Variants in GPR17 observed in about 807,000 individuals in gnomAD.
GPR17 encodes the protein G protein-coupled receptor 17.
A neutral mutation model predicts 1.5 loss-of-function variants in GPR17; 4 were observed. The observed-to-expected ratio is 2.73, with a 90% CI of 1.35 to 6.25. The LOEUF (loss-of-function observed/expected upper bound fraction) is 6.25, where lower values mean the gene tolerates loss of function less well. Among genes scored for constraint, GPR17 ranks in the 30% most tolerant of loss-of-function variants. The probability of loss-of-function intolerance (pLI) is 0.00; values close to 1 mark genes in which losing one functional copy is unlikely to be tolerated. For synonymous variants in GPR17, 209 were observed against 207.6 expected (o/e 1.01, Z -0.06); for missense variants, 463 against 462.1 (o/e 1.00, Z -0.02).
chr2:127,648,013 C>T, intron 1 of GPR17: 1 of 985,798 alleles, frequency 1.0e-6, no homozygotes, highest in South Asian at 4.7e-5. Flanking sequence ...CCAAGCCTGT[C>T]TCCCTCTCCC....
rs3771296 is a variant in GPR17 at position 127,647,251 on chromosome 2, G to A, written c.-21+1007G>A. 6.6e-6 allele frequency among the ~76,000 whole-genome samples: 1 copy of A among 152,014 alleles called. No homozygotes were observed. The highest frequency in any genetic ancestry group is 2.4e-5 in the African/African-American group (1 of 41,406). ...GAGGGAGTGGCCCCAGGGCCAGGAG[G>A]GGGTGCTGAGCCTGGGAGACAACTC... On this transcript the variant is annotated intron_variant, in intron 1 of 1. Transcript: ENST00000486700. The surrounding 1 kb of genome is among the most constrained non-coding windows in gnomAD (Gnocchi z 4.3).
At chr2:127,646,284 G>T (rs1034723338) in intron 1 of GPR17, 40 bp downstream of exon 1, 3 of 152,422 alleles carry the variant, frequency 2.0e-5, no homozygotes, top group Non-Finnish European at 2.9e-5. Context: ...GGAGCCCAGG[G>T]CTAAGCAGAG....
Position 127,647,892 on chromosome 2 carries a change from C to T in GPR17, c.-21+1648C>T, listed in dbSNP as rs1683176413. 2 of 446,506 alleles carry T rather than the reference C, an allele frequency of 4.5e-6. No homozygotes were observed. Among genetic ancestry groups the T allele is most frequent in the Non-Finnish European group, 5.9e-6 (2 of 336,918 alleles). 27.7% of individuals were successfully genotyped at this position (446,506 alleles called of 1,614,324 possible). On this transcript the variant is annotated intron_variant, in intron 1 of 1. Transcript: ENST00000486700. The surrounding 1 kb of genome is among the most constrained non-coding windows in gnomAD (Gnocchi z 4.3). ...CCTGCCACCGTCCCACCGGTACCTG[C>T]TCCCTGTTCTCCCCTGCCTCACAGG...
intron 1 of GPR17, among the ~76,000 whole-genome samples, chr2:127,649,610 G>T (rs981162919): frequency 6.6e-5 from 10 of 152,258 alleles, no homozygotes; most frequent in Non-Finnish European, 1.3e-4. Flanking sequence ...GCAGGCCTGG[G>T]TTGGGGAGGC....
Position 127,652,102 on chromosome 2 carries a change from A to T in GPR17, c.*347A>T. 1 of 309,728 alleles carries T rather than the reference A, an allele frequency of 3.2e-6. No individual in the cohort carries two copies. Among genetic ancestry groups the T allele is most frequent in the South Asian group, 6.3e-5 (1 of 15,928 alleles). The allele number at this position is 309,728 out of a possible 1,614,324, so 19.2% of individuals were successfully genotyped here. ...CCTCCTTCCCGCTACAGAATCGCTC[A>T]TCGGCGAGGCTCAGCAGAAAGACCC... is the stretch of plus-strand genomic sequence containing the variant. On this transcript the variant is annotated 3_prime_UTR_variant, in exon 2 of 2. Transcript: ENST00000486700.
At chr2:127,650,314 C>T (rs145933795) in intron 1 of GPR17, 130 of 566,516 alleles carry the variant, frequency 2.3e-4, no homozygotes, top group Middle Eastern at 9.3e-4. Context: ...ACACTGCCCC[C>T]GCCCCTCACC....
At chr2:127,649,992 A>G (rs1683554403) in intron 1 of GPR17, 2 of 1,601,260 alleles carry the variant, frequency 1.2e-6, no homozygotes, top group Non-Finnish European at 8.5e-7. Context: ...TCCTAAACAC[A>G]GGTCTCCCCA....
chr2:127,651,585 T>C lies in GPR17; in HGVS notation c.850T>C (p.Cys284Arg). 1 of 1,613,168 alleles carries C rather than the reference T, an allele frequency of 6.2e-7. No individual in the cohort carries two copies. Among genetic ancestry groups the C allele is most frequent in the Non-Finnish European group, 8.5e-7 (1 of 1,180,026 alleles). Residue 284 changes from cysteine (C) to arginine (R), a missense_variant, in exon 2 of 2, where the codon TGC becomes CGC. Cys to Arg is a radical substitution (Grantham distance 180). Coordinates refer to ENST00000486700, the MANE Select transcript of GPR17 (RefSeq NM_001161417.2). The stretch of plus-strand genomic sequence containing the variant: ...GGCCCTGGCAAACCGCATCACCTCC[T>C]GCCTCACCAGCCTCAACGGGGCACT... ...ILALANRITS[C>R]LTSLNGALDP...
intron 1 of GPR17, chr2:127,650,029 G>C (rs61742898): frequency 6.2e-7 from 1 of 1,608,924 alleles, no homozygotes; most frequent in Non-Finnish European, 8.5e-7. Context: ...AACGGAGTTG[G>C]TGGGCTGGAT....
chr2:127,648,989 GA>G (rs1196225602), intron 1 of GPR17, among the ~76,000 whole-genome samples: 340 of 23,168 alleles, frequency 0.015, 3 homozygotes, highest in East Asian at 0.044. Flanking sequence ...GAGGGGAGGG[GA>G]GGGAGGGGAG....
chr2:127,647,013 C>T lies in GPR17; in HGVS notation c.-21+769C>T, dbSNP rs148697927. ...CAGAGAGAGCGAGGGGCACGCCCTT[C>T]GGCCCGGGCAGGAAGTGGAGGGCAG... On this transcript the variant is annotated intron_variant, in intron 1 of 1. Coordinates refer to ENST00000486700, the MANE Select transcript of GPR17 (RefSeq NM_001161417.2). This position sits in a 1 kb window ranked among gnomAD's most constrained non-coding sequence, Gnocchi z 4.3. Among the ~76,000 whole-genome samples the T allele has an allele frequency of 4.6e-3, 697 of 152,304 alleles. 7 individuals are homozygous for T. The highest frequency in any genetic ancestry group is 0.016 in the African/African-American group (649 of 41,566).
Position 127,651,135 on chromosome 2 carries a change from G to T in GPR17, c.400G>T (p.Val134Leu). Residue 134 changes from valine (V) to leucine (L), a missense_variant, in exon 2 of 2, where the codon GTG (valine) becomes TTG (leucine). Coordinates refer to ENST00000486700, the MANE Select transcript of GPR17 (RefSeq NM_001161417.2). ...CAGCGCCGACCGTTTCCTGGCCATT[G>T]TGCACCCGGTCAAGTCCCTCAAGCT... is the stretch of plus-strand genomic sequence containing the variant. Reference protein sequence around the residue: ...CISADRFLAIVHPVKSLKLRR... With the variant: ...CISADRFLAILHPVKSLKLRR... 2 of 1,613,330 alleles carry T rather than the reference G, an allele frequency of 1.2e-6. No homozygotes were observed. The highest frequency in any genetic ancestry group is 1.7e-6 in the Non-Finnish European group (2 of 1,180,008).
intron 1 of GPR17, chr2:127,648,054 TC>T: frequency 1.0e-6 from 1 of 985,786 alleles, no homozygotes; most frequent in South Asian, 4.7e-5. Flanking sequence ...TCTTCGGCCC[TC>T]AGCTCTCCGC....
intron 1 of GPR17, 67 bp from the exon 2 acceptor site, chr2:127,650,649 G>A: frequency 8.8e-7 from 1 of 1,138,744 alleles, no homozygotes; most frequent in Non-Finnish European, 1.3e-6. Flanking sequence ...CTGACTTCTG[G>A]ACTTCAGAGA....
Position 127,652,189 on chromosome 2 carries a change from G to A in GPR17, c.*434G>A. On this transcript the variant is annotated 3_prime_UTR_variant, in exon 2 of 2. Coordinates refer to ENST00000486700, the MANE Select transcript of GPR17 (RefSeq NM_001161417.2). Reference sequence around the variant, plus strand: ...GGGAGTCCTGGTGGGGACGGGGAGGGAGTCTCAATACTCCTTTGCAGTGCA... The same window carrying A: ...GGGAGTCCTGGTGGGGACGGGGAGGAAGTCTCAATACTCCTTTGCAGTGCA... 4.5e-6 allele frequency: 1 copy of A among 223,138 alleles called. No individual in the cohort carries two copies. Among genetic ancestry groups the A allele is most frequent in the South Asian group, 9.7e-5 (1 of 10,320 alleles). 13.8% of individuals were successfully genotyped at this position (223,138 alleles called of 1,614,324 possible). A position where few individuals can be genotyped will look rare whatever the true frequency, so the allele number is the denominator to read the frequency against.
chr2:127,648,226 T>C (rs1683212989), intron 1 of GPR17: 14 of 984,552 alleles, frequency 1.4e-5, no homozygotes, highest in African/African-American at 1.7e-5. Flanking sequence ...CAGGAAACCA[T>C]CTCTGGTGTT....
chr2:127,650,561 A>C, intron 1 of GPR17, 155 bp from the exon 2 acceptor site: 1 of 611,416 alleles, frequency 1.6e-6, no homozygotes, highest in African/African-American at 1.8e-5. Flanking sequence ...CGCACACCAA[A>C]TGGACAAGGA....
At chr2:127,649,609 G>A (rs1683489735) in intron 1 of GPR17, among the ~76,000 whole-genome samples, 1 of 152,246 alleles carries the variant, frequency 6.6e-6, no homozygotes, top group African/African-American at 2.4e-5. Flanking sequence ...CGCAGGCCTG[G>A]GTTGGGGAGG....
chr2:127,651,561 G>C lies in GPR17; in HGVS notation c.826G>C (p.Ala276Pro). 20 of 1,612,646 alleles carry C rather than the reference G, an allele frequency of 1.2e-5. No homozygotes were observed. Among genetic ancestry groups the C allele is most frequent in the Non-Finnish European group, 1.7e-5 (20 of 1,180,038 alleles). Residue 276 changes from alanine to proline, a missense_variant, in exon 2 of 2, where the codon GCC (alanine) becomes CCC (proline). By Grantham distance (27) the Ala-to-Pro change is conservative. Transcript: ENST00000486700. ...GASCATQRIL[A>P]LANRITSCLT... ...CTCCTGCGCCACCCAGCGCATCCTG[G>C]CCCTGGCAAACCGCATCACCTCCTG...
Sources: allele counts gnomAD v4.1 joint callset (sites outside exome capture counted in the v4.1 genomes callset), GRCh38; gene constraint gnomAD v4.1.1; non-coding constraint Gnocchi (gnomAD v3.1); transcripts MANE v1.5; gene names NCBI Gene and HGNC (gene_info 2026-07-23, HGNC 2026-07-21).